HMGB1: variants seen among roughly 807,000 people sequenced by gnomAD.
HMGB1 encodes high mobility group protein B1.
For missense variants in HMGB1, 79 were observed against 253.5 expected, an observed-to-expected ratio of 0.31 and a Z score of 4.67; for synonymous variants, 81 against 84.0, an observed-to-expected ratio of 0.96 and a Z score of 0.19.
intron 1 of HMGB1, among the ~76,000 whole-genome samples, chr13:30,517,025 C>T (rs1357433480): frequency 2.0e-5 from 3 of 152,116 alleles, no homozygotes; most frequent in Admixed American, 6.5e-5. Context: ...ATAAGTATTT[C>T]GAATGTGAAG....
chr13:30,481,595 A>G (rs1887229604), intron 1 of HMGB1, among the ~76,000 whole-genome samples: 1 of 152,240 alleles, frequency 6.6e-6, no homozygotes, highest in Admixed American at 6.5e-5. Flanking sequence ...GGACTATAAG[A>G]TTCAAGGATG....
Position 30,512,026 on chromosome 13 carries a change from A to C in HMGB1, c.-14-48332T>G, listed in dbSNP as rs528302513. Among the ~76,000 whole-genome samples, 10 of 152,170 alleles carry C rather than the reference A, an allele frequency of 6.6e-5. No individual in the cohort carries two copies. In the South Asian group the frequency reaches 2.1e-3, roughly 32 times the overall value. On this transcript the variant is annotated intron_variant, in intron 1 of 4. Transcript: ENST00000405805. ...GATTAAATCCACACACCATAGACATAATTGGGGCCAGGCATGGTGACTCAT... is the reference window on the plus strand; with the variant it reads ...GATTAAATCCACACACCATAGACATCATTGGGGCCAGGCATGGTGACTCAT...
intron 1 of HMGB1, among the ~76,000 whole-genome samples, chr13:30,612,467 G>C (rs553242462): frequency 1.3e-5 from 2 of 152,288 alleles, no homozygotes; most frequent in East Asian, 1.9e-4. Context: ...AGCTTCAAGC[G>C]AATACAGTTA....
intron 1 of HMGB1, among the ~76,000 whole-genome samples, chr13:30,491,322 G>A (rs896184633): frequency 7.6e-5 from 11 of 143,806 alleles, no homozygotes; most frequent in African/African-American, 3.3e-4. Context: ...GAGCCACCGC[G>A]CCTGGCCCAT....
At chr13:30,553,014 C>T (rs1869499949) in intron 1 of HMGB1, among the ~76,000 whole-genome samples, 1 of 152,142 alleles carries the variant, frequency 6.6e-6, no homozygotes, top group Non-Finnish European at 1.5e-5. Context: ...AAATGCAGGA[C>T]AGTTAAGGCC....
intron 1 of HMGB1, among the ~76,000 whole-genome samples, chr13:30,599,117 A>G (rs1871745738): frequency 6.6e-6 from 1 of 152,088 alleles, no homozygotes; most frequent in Non-Finnish European, 1.5e-5. Context: ...CAAATATTAA[A>G]CACCCATGTG....
intron 1 of HMGB1, among the ~76,000 whole-genome samples, chr13:30,579,569 T>A (rs1309987357): frequency 1.3e-5 from 2 of 152,218 alleles, no homozygotes; most frequent in Non-Finnish European, 2.9e-5. Flanking sequence ...TGAATTCATA[T>A]CATAGCTTGC....
At chr13:30,600,805 A>G (rs1401015369) in intron 1 of HMGB1, among the ~76,000 whole-genome samples, 2 of 152,206 alleles carry the variant, frequency 1.3e-5, no homozygotes, top group Admixed American at 1.3e-4. Flanking sequence ...CATTTCAGGC[A>G]AGGGACACTC....
At position 30,527,818 on chromosome 13, in the gene HMGB1, GT is replaced by G. The variant is rs1888402370; in HGVS notation, c.-14-64125del. ...CCAAGGTCATATAGCCAAATGTTTAGTGAAGTCAAGGTTCAAAGTCAAACTC... is the reference window on the plus strand; with the variant it reads ...CCAAGGTCATATAGCCAAATGTTTAGGAAGTCAAGGTTCAAAGTCAAACTC... On this transcript the variant is annotated intron_variant, in intron 1 of 4. Coordinates refer to the HMGB1 transcript ENST00000405805. 3.9e-5 allele frequency among the ~76,000 whole-genome samples: 6 copies of G among 152,222 alleles called. No individual in the cohort carries two copies. In the South Asian group the frequency reaches 1.2e-3, roughly 32 times the overall value.
chr13:30,467,255 C>T (rs1286784062), upstream of HMGB1, among the ~76,000 whole-genome samples: 7 of 152,306 alleles, frequency 4.6e-5, no homozygotes, highest in South Asian at 2.1e-4. Context: ...TTGTACACTT[C>T]TAAATCCAAC....
At chr13:30,573,933 C>T (rs971915700) in intron 1 of HMGB1, among the ~76,000 whole-genome samples, 4 of 152,116 alleles carry the variant, frequency 2.6e-5, no homozygotes, top group African/African-American at 4.8e-5. Context: ...GGATTACAGG[C>T]GTGAGCCACC....
At chr13:30,512,440 G>GT (rs1888012870) in intron 1 of HMGB1, among the ~76,000 whole-genome samples, 1 of 152,184 alleles carries the variant, frequency 6.6e-6, no homozygotes, top group Non-Finnish European at 1.5e-5. Context: ...AAGAATGAAC[G>GT]TGACAGTTCA....
chr13:30,554,314 T>C lies in HMGB1; in HGVS notation c.-15+62357A>G, dbSNP rs540336694. The C allele has an allele frequency of 2.1e-4, 218 of 1,057,374 alleles. 3 individuals are homozygous for C. The highest frequency in any genetic ancestry group is 1.7e-3 in the East Asian group (71 of 42,380). 65.5% of individuals were successfully genotyped at this position (1,057,374 alleles called of 1,614,324 possible). Reference sequence around the variant, plus strand: ...CTGACCATGGGCCTGCAGTGATCCATTGTAGCGAAGGCACTGGGTGCACGG... The same window carrying C: ...CTGACCATGGGCCTGCAGTGATCCACTGTAGCGAAGGCACTGGGTGCACGG... On this transcript the variant is annotated intron_variant, in intron 1 of 4. Coordinates refer to the HMGB1 transcript ENST00000405805.
chr13:30,569,462 T>A (rs1379946172), intron 1 of HMGB1, among the ~76,000 whole-genome samples: 2 of 152,230 alleles, frequency 1.3e-5, no homozygotes, highest in African/African-American at 2.4e-5. Context: ...TTTGGCTGTC[T>A]AGTATGCATT....
chr13:30,610,961 C>G (rs1249713836), intron 1 of HMGB1, among the ~76,000 whole-genome samples: 1 of 152,128 alleles, frequency 6.6e-6, no homozygotes. Context: ...AATAATGTAT[C>G]TTAACTGATA....
At chr13:30,599,908 T>C (rs1871789251) in intron 1 of HMGB1, among the ~76,000 whole-genome samples, 1 of 152,210 alleles carries the variant, frequency 6.6e-6, no homozygotes, top group Non-Finnish European at 1.5e-5. Context: ...TACAGTTAGA[T>C]TTATAGTATA....
chr13:30,481,020 C>T (rs1887214308), intron 1 of HMGB1, among the ~76,000 whole-genome samples: 1 of 151,542 alleles, frequency 6.6e-6, no homozygotes, highest in African/African-American at 2.4e-5. Flanking sequence ...ATATTAGTCT[C>T]TTGAATCTTT....
At chr13:30,502,189 C>T (rs9506318) in intron 1 of HMGB1, among the ~76,000 whole-genome samples, 143,984 of 152,314 alleles carry the variant, frequency 0.95, 68,632 homozygotes, top group East Asian at 1. Flanking sequence ...ATGTACTCCA[C>T]TTGGGTTTTT....
At chr13:30,540,730 A>G (rs9578184) in intron 1 of HMGB1, 49,048 of 151,744 alleles carry the variant, frequency 0.32, 11,453 homozygotes, top group African/African-American at 0.67. Flanking sequence ...GATTACAGGC[A>G]CCTGCCACCA....
Sources: gnomAD v4.1 joint callset for allele counts (sites outside exome capture counted in the v4.1 genomes callset) on GRCh38, gnomAD v4.1.1 for gene constraint, MANE v1.5 for transcripts, NCBI Gene and HGNC (gene_info 2026-07-23, HGNC 2026-07-21) for gene names.